Variants in WDR27 observed in about 807,000 individuals in gnomAD.
The protein encoded by WDR27 is WD repeat-containing protein 27.
Under a neutral mutation model 114.4 loss-of-function variants are expected in WDR27, and 100 were observed. That is an observed-to-expected ratio of 0.87 (90% confidence interval 0.74 to 1.03). The LOEUF is 1.03. WDR27 is among the 50% of genes least tolerant of loss of function. The pLI is 0.00. For missense variants in WDR27, 1,129 were observed against 1,092.9 expected, an observed-to-expected ratio of 1.03 and a Z score of -0.47; for synonymous variants, 449 against 423.1, an observed-to-expected ratio of 1.06 and a Z score of -0.75.
chr6:169,567,464 G>A (rs1800685402), intron 25 of WDR27, among the ~76,000 whole-genome samples: 1 of 152,066 alleles, frequency 6.6e-6, no homozygotes, highest in Non-Finnish European at 1.5e-5. Context: ...GAGACTTCCT[G>A]GCTAAATGAA....
At chr6:169,580,904 A>T (rs375219133) in intron 24 of WDR27, among the ~76,000 whole-genome samples, 1 of 147,106 alleles carries the variant, frequency 6.8e-6, no homozygotes, top group Non-Finnish European at 1.5e-5. Context: ...AAATAAGGAA[A>T]TTTTTAAAAA....
rs12528551 is a variant in WDR27, at chr6:169,682,168, G to A, written c.189+6649C>T. 1.0e-2 allele frequency among the ~76,000 whole-genome samples: 1,514 copies of A among 152,118 alleles called. 74 individuals carry two copies. The highest frequency in any genetic ancestry group is 0.084 in the Admixed American group (1,278 of 15,278). On this transcript the variant is annotated intron_variant, in intron 2 of 25. Transcript: ENST00000448612. The stretch of plus-strand genomic sequence containing the variant: ...TATCTTATTGGCGCAGGGTCTCCCT[G>A]GGAGACAAATGACTCTCTGAGCCAA...
At chr6:169,626,771 T>C (rs1814964435) in intron 21 of WDR27, among the ~76,000 whole-genome samples, 14 of 152,218 alleles carry the variant, frequency 9.2e-5, no homozygotes, top group Admixed American at 9.2e-4. Context: ...ACAGCAGTGG[T>C]TTTTAGACAC....
intron 25 of WDR27, among the ~76,000 whole-genome samples, chr6:169,510,711 A>G (rs1792717625): frequency 6.6e-6 from 1 of 151,990 alleles, no homozygotes; most frequent in South Asian, 2.1e-4. Context: ...CAGCACACCA[A>G]CATGGCACAT....
chr6:169,656,740 CA>C (rs1177439867), intron 13 of WDR27, among the ~76,000 whole-genome samples: 1 of 152,232 alleles, frequency 6.6e-6, no homozygotes, highest in Non-Finnish European at 1.5e-5. Flanking sequence ...CGCAGCAGCC[CA>C]GGGGCATTCT....
chr6:169,590,601 G>A (rs866423681), intron 23 of WDR27, among the ~76,000 whole-genome samples: 1 of 152,244 alleles, frequency 6.6e-6, no homozygotes, highest in Non-Finnish European at 1.5e-5. Context: ...CATGGGAGGC[G>A]AATGGCACCA....
chr6:169,481,594 C>A (rs74603174), intron 25 of WDR27, among the ~76,000 whole-genome samples: 1,695 of 152,190 alleles, frequency 0.011, 33 homozygotes, highest in African/African-American at 0.039. Flanking sequence ...GCCAGTGAGA[C>A]CATGAACCAA....
intron 23 of WDR27, among the ~76,000 whole-genome samples, chr6:169,599,047 T>C: frequency 6.6e-6 from 1 of 152,214 alleles, no homozygotes. Flanking sequence ...TGCAGGTTTG[T>C]TACATATGTA....
chr6:169,628,547 T>C (rs1273142949), intron 21 of WDR27, among the ~76,000 whole-genome samples: 2 of 152,214 alleles, frequency 1.3e-5, no homozygotes, highest in Non-Finnish European at 2.9e-5. Flanking sequence ...CTCCATTTTA[T>C]GTGCCTTTAA....
chr6:169,431,121 G>A, the WDR27 span, among the ~76,000 whole-genome samples: 1 of 152,146 alleles, frequency 6.6e-6, no homozygotes, highest in East Asian at 1.9e-4. Flanking sequence ...TCACCAGTTA[G>A]GGCTTGCCAG....
chr6:169,627,832 G>C (rs1369668633), intron 21 of WDR27, among the ~76,000 whole-genome samples: 1 of 152,204 alleles, frequency 6.6e-6, no homozygotes, highest in Admixed American at 6.5e-5. Context: ...CACAGCCCAT[G>C]CAGAGGGAGG....
intron 25 of WDR27, among the ~76,000 whole-genome samples, chr6:169,474,401 T>C (rs183483657): frequency 3.2e-4 from 48 of 152,342 alleles, no homozygotes; most frequent in Non-Finnish European, 6.6e-4. Flanking sequence ...AACTGTAATA[T>C]GCAGTCTTTA....
intron 24 of WDR27, among the ~76,000 whole-genome samples, chr6:169,581,218 T>G (rs181298879): frequency 6.6e-6 from 1 of 152,192 alleles, no homozygotes; most frequent in Admixed American, 6.5e-5. Context: ...TTTCAAGTAT[T>G]CAAAAACATT....
chr6:169,507,900 G>T (rs1171342984), intron 25 of WDR27, among the ~76,000 whole-genome samples: 3 of 152,176 alleles, frequency 2.0e-5, no homozygotes, highest in African/African-American at 7.2e-5. Flanking sequence ...CCACTCTACA[G>T]GTCACAGCAA....
At chr6:169,556,082 G>A (rs1052161576) in intron 25 of WDR27, among the ~76,000 whole-genome samples, 4 of 152,320 alleles carry the variant, frequency 2.6e-5, no homozygotes, top group South Asian at 2.1e-4. Flanking sequence ...AGGCATGCCT[G>A]TGCACACAGT....
chr6:169,487,531 C>T (rs898897388), intron 25 of WDR27, among the ~76,000 whole-genome samples: 2 of 152,084 alleles, frequency 1.3e-5, no homozygotes, highest in African/African-American at 4.8e-5. Context: ...TGAAAGGGGT[C>T]GCAAACCTCA....
At position 169,646,291 on chromosome 6, in the gene WDR27, G is replaced by C. The variant is rs540408308; in HGVS notation, c.1657+1482C>G. On this transcript the variant is annotated intron_variant, in intron 16 of 25. Coordinates refer to ENST00000448612, the MANE Select transcript of WDR27 (RefSeq NM_182552.5). ...TGAGAGAGTGAGGCTGCTGTTCAAG[G>C]TTGTGAACAGGAAAAGCTGCACCCA... 4.6e-5 allele frequency among the ~76,000 whole-genome samples: 7 copies of C among 152,338 alleles called. No individual in the cohort carries two copies. In the South Asian group the frequency reaches 1.5e-3, roughly 32 times the overall value.
intron 23 of WDR27, among the ~76,000 whole-genome samples, chr6:169,595,216 T>C (rs187824289): frequency 6.6e-6 from 1 of 152,374 alleles, no homozygotes; most frequent in African/African-American, 2.4e-5. Context: ...CATTTTCATC[T>C]CAGTTTCATC....
intron 21 of WDR27, among the ~76,000 whole-genome samples, chr6:169,621,379 GACATACGCACACACATGCACACA>G (rs1813149847): frequency 1.4e-5 from 2 of 141,430 alleles, no homozygotes; most frequent in South Asian, 4.6e-4. Context: ...CATGCATGTA[GACATACGCACACACATGCACACA>G]TGCCTATACA....
Sources: allele counts gnomAD v4.1 joint callset (sites outside exome capture counted in the v4.1 genomes callset), GRCh38; gene constraint gnomAD v4.1.1; transcripts MANE v1.5; gene names NCBI Gene and HGNC (gene_info 2026-07-23, HGNC 2026-07-21).